Variants in RTTN observed in about 807,000 individuals in gnomAD.
RTTN encodes rotatin.
A neutral mutation model predicts 269.2 loss-of-function variants in RTTN; 182 were observed. The observed-to-expected ratio is 0.68, with a 90% CI of 0.60 to 0.76. RTTN has a LOEUF of 0.76. Ranked by LOEUF, RTTN falls within the 30% of genes least tolerant of loss-of-function variation. RTTN has a pLI of 0.00. For synonymous variants in RTTN, 1,006 were observed against 963.5 expected (o/e 1.04, Z -0.82); for missense variants, 2,545 against 2,608.6 (o/e 0.98, Z 0.53).
chr18:70,132,293 T>C (rs944383211), intron 23 of RTTN, among the ~76,000 whole-genome samples: 6 of 152,070 alleles, frequency 3.9e-5, no homozygotes, highest in African/African-American at 1.4e-4. Flanking sequence ...TCAATAAACC[T>C]GATATATTTT....
intron 28 of RTTN, among the ~76,000 whole-genome samples, chr18:70,098,022 A>T (rs2145307900): frequency 6.6e-6 from 1 of 151,594 alleles, no homozygotes; most frequent in Non-Finnish European, 1.5e-5. Context: ...TAAAAGGTTG[A>T]TAAATAGAGT....
At chr18:70,010,902 G>C (rs2056351609) in intron 46 of RTTN, among the ~76,000 whole-genome samples, 1 of 151,964 alleles carries the variant, frequency 6.6e-6, no homozygotes, top group Non-Finnish European at 1.5e-5. Context: ...ATGATAAAGG[G>C]GAGATCAGCA....
At chr18:70,132,481 TAATAA>T (rs1568435615) in intron 23 of RTTN, among the ~76,000 whole-genome samples, 1 of 150,572 alleles carries the variant, frequency 6.6e-6, no homozygotes, top group African/African-American at 2.5e-5. Context: ...TAAATATTAA[TAATAA>T]AATAACTAGA....
intron 43 of RTTN, among the ~76,000 whole-genome samples, chr18:70,028,290 T>C (rs1423122445): frequency 6.6e-6 from 1 of 152,040 alleles, no homozygotes; most frequent in African/African-American, 2.4e-5. Context: ...AGAAACTTCC[T>C]CTCGGTGGAT....
At chr18:70,183,555 G>C (rs1418125090) in intron 10 of RTTN, among the ~76,000 whole-genome samples, 1 of 152,134 alleles carries the variant, frequency 6.6e-6, no homozygotes, top group Non-Finnish European at 1.5e-5. Flanking sequence ...TTAACCCCAA[G>C]CAAAGGTTCT....
In RTTN at chr18:70,135,254, T is replaced by C. The variant is rs114399480; in HGVS notation, c.2815A>G (p.Ser939Gly). The change falls in exon 22 of 49, where the codon AGT (serine) becomes GGT (glycine). Residue 939 changes from serine (S) to glycine (G), a missense_variant. Ser to Gly is a moderately conservative substitution (Grantham distance 56). Coordinates refer to ENST00000640769, the MANE Select transcript of RTTN (RefSeq NM_173630.4). ...RVSLIFHEDC[S>G]VVTEVGALFC... Reference sequence around the variant, plus strand: ...AGTGCTCCAACTTCAGTCACGACACTACAATCTTCATGAAATATTAAGGAA... The same window carrying C: ...AGTGCTCCAACTTCAGTCACGACACCACAATCTTCATGAAATATTAAGGAA... 2,612 of 1,549,070 alleles carry C rather than the reference T, an allele frequency of 1.7e-3. 41 individuals are homozygous for C. In the African/African-American group the frequency reaches 0.033, roughly 20 times the overall value.
chr18:70,117,446 T>A (rs1278405130), intron 26 of RTTN, among the ~76,000 whole-genome samples: 1 of 152,048 alleles, frequency 6.6e-6, no homozygotes, highest in Admixed American at 6.6e-5. Context: ...CAACTGATAG[T>A]GAACACTTAA....
At chr18:70,201,123 T>C (rs1188262867) in intron 4 of RTTN, among the ~76,000 whole-genome samples, 2 of 152,184 alleles carry the variant, frequency 1.3e-5, no homozygotes, top group Non-Finnish European at 2.9e-5. Context: ...AAGATGGAGA[T>C]GAGATTCCAG....
At chr18:70,073,102 G>A (rs1212505254) in intron 34 of RTTN, among the ~76,000 whole-genome samples, 1 of 152,012 alleles carries the variant, frequency 6.6e-6, no homozygotes, top group Non-Finnish European at 1.5e-5. Flanking sequence ...CTGGAAACAG[G>A]TGTATCAAAT....
intron 14 of RTTN, among the ~76,000 whole-genome samples, chr18:70,159,784 T>C (rs2060778374): frequency 6.6e-6 from 1 of 151,768 alleles, no homozygotes; most frequent in Non-Finnish European, 1.5e-5. Flanking sequence ...TCAGAGACCA[T>C]TAAGAAAAAC....
At chr18:70,177,489 A>G (rs1351996748) in intron 10 of RTTN, among the ~76,000 whole-genome samples, 5 of 152,214 alleles carry the variant, frequency 3.3e-5, no homozygotes, top group African/African-American at 1.2e-4. Flanking sequence ...GGTATACATT[A>G]AATATGAAGA....
intron 11 of RTTN, 66 bp downstream of exon 11, chr18:70,176,609 A>C: frequency 7.0e-7 from 1 of 1,418,934 alleles, no homozygotes; most frequent in South Asian, 1.7e-5. Context: ...AGCAGAAGAA[A>C]TTTACAACAG....
Position 70,196,502 on chromosome 18 carries a change from G to T in RTTN, c.840C>A (p.His280Gln), listed in dbSNP as rs192562671. 9 of 1,606,806 alleles carry T rather than the reference G, an allele frequency of 5.6e-6. 1 individual carries two copies. In the South Asian group the frequency reaches 1.0e-4, roughly 18 times the overall value. Residue 280 changes from histidine to glutamine, a missense_variant and splice_region_variant, in exon 7 of 49, where the codon CAC becomes CAA. By Grantham distance (24) the His-to-Gln change is conservative. Coordinates refer to ENST00000640769, the MANE Select transcript of RTTN (RefSeq NM_173630.4). Reference protein sequence around the residue: ...HRDPGFFSNKHDTVSQNSSLS... With the variant: ...HRDPGFFSNKQDTVSQNSSLS... ...TAATGAACAGATAAAAATAAATACC[G>T]TGTTTATTGGAGAAAAAACCTGGAT... is the stretch of plus-strand genomic sequence containing the variant.
chr18:70,021,735 G>A (rs1171210265), intron 44 of RTTN, among the ~76,000 whole-genome samples: 1 of 152,154 alleles, frequency 6.6e-6, no homozygotes, highest in Non-Finnish European at 1.5e-5. Flanking sequence ...ATATCTCTTT[G>A]TGCTGACTGG....
In RTTN at chr18:70,052,642, TTA is replaced by T. The variant is rs1327265663; in HGVS notation, c.5186-1096_5186-1095del. On this transcript the variant is annotated intron_variant, in intron 38 of 48. Coordinates refer to ENST00000640769, the MANE Select transcript of RTTN (RefSeq NM_173630.4). Reference sequence around the variant, plus strand: ...ATAACTTTTCATGTAATTTATTTACTTATATATATATATCATCACAATGTGTC... The same window carrying T: ...ATAACTTTTCATGTAATTTATTTACTTATATATATATCATCACAATGTGTC... Among the ~76,000 whole-genome samples the T allele has an allele frequency of 6.4e-3, 929 of 145,906 alleles. 8 individuals are homozygous for T. The highest frequency in any genetic ancestry group is 0.011 in the Middle Eastern group (3 of 264).
intron 14 of RTTN, among the ~76,000 whole-genome samples, chr18:70,156,535 T>C (rs534387544): frequency 6.6e-6 from 1 of 152,296 alleles, no homozygotes; most frequent in African/African-American, 2.4e-5. Context: ...TGATATTCTA[T>C]TACCTTGTGA....
chr18:70,071,947 GATTA>G (rs2058306827), intron 34 of RTTN, among the ~76,000 whole-genome samples: 1 of 152,112 alleles, frequency 6.6e-6, no homozygotes, highest in Admixed American at 6.6e-5. Context: ...CAGATAAGCT[GATTA>G]ATAAGATTTA....
intron 44 of RTTN, chr18:70,021,252 A>G (rs1159773136): frequency 6.5e-6 from 1 of 153,466 alleles, no homozygotes; most frequent in Non-Finnish European, 1.5e-5. Context: ...TTTGGTCAAC[A>G]AAGATATGGA....
At chr18:70,033,610 T>C (rs958717021) in intron 40 of RTTN, among the ~76,000 whole-genome samples, 3 of 152,148 alleles carry the variant, frequency 2.0e-5, no homozygotes, top group African/African-American at 7.2e-5. Flanking sequence ...TAAATGCCCA[T>C]ATTGAAAAGT....
Sources: gnomAD v4.1 joint callset for allele counts (sites outside exome capture counted in the v4.1 genomes callset) on GRCh38, gnomAD v4.1.1 for gene constraint, MANE v1.5 for transcripts, NCBI Gene and HGNC (gene_info 2026-07-23, HGNC 2026-07-21) for gene names.